HTT: variants seen among roughly 807,000 people sequenced by gnomAD.
HTT encodes the protein huntingtin.
Under a neutral mutation model 362.3 loss-of-function variants are expected in HTT, and 104 were observed. That is an observed-to-expected ratio of 0.29 (90% CI 0.24 to 0.34). The LOEUF is 0.34. Among genes scored for constraint, HTT ranks in the 10% least tolerant of loss-of-function variants. The pLI, the probability that HTT is intolerant of heterozygous loss-of-function variation, is 1.00. For missense variants in HTT, 3,301 were observed against 3,928.6 expected (o/e 0.84, Z 4.27); for synonymous variants, 1,577 against 1,548.7 (o/e 1.02, Z -0.43).
intron 40 of HTT, 135 bp from the exon 41 acceptor site, chr4:3,199,596 TA>T: frequency 1.5e-6 from 1 of 684,090 alleles, no homozygotes; most frequent in Non-Finnish European, 2.4e-6. Flanking sequence ...CAGAATTTTC[TA>T]AATGCCAGGT....
intron 49 of HTT, 72 bp from the exon 50 acceptor site, chr4:3,213,886 A>G (rs1348307129): frequency 7.2e-7 from 1 of 1,384,402 alleles, no homozygotes; most frequent in Non-Finnish European, 9.6e-7. Context: ...CGGTTCCACA[A>G]CTGTGATTCA....
chr4:3,130,191 AATC>A (rs1715736515), intron 13 of HTT, 111 bp from the exon 14 acceptor site: 2 of 1,063,190 alleles, frequency 1.9e-6, no homozygotes, highest in Non-Finnish European at 2.7e-6. Flanking sequence ...ATTGAGGAAT[AATC>A]ATACTTTTTC....
At chr4:3,125,460 TTA>T in intron 10 of HTT, 87 bp from the exon 11 acceptor site, 3 of 773,358 alleles carry the variant, frequency 3.9e-6, no homozygotes, top group Non-Finnish European at 6.8e-6. Context: ...TTAAATATTC[TTA>T]TGAGTTTCAT....
At chr4:3,234,098 T>C (rs1721400722) in intron 61 of HTT, among the ~76,000 whole-genome samples, 1 of 152,174 alleles carries the variant, frequency 6.6e-6, no homozygotes, top group African/African-American at 2.4e-5. Context: ...GTGATCCCCT[T>C]TGACAAGTGG....
chr4:3,099,519 T>C, intron 3 of HTT, 125 bp downstream of exon 3: 1 of 1,343,414 alleles, frequency 7.4e-7, no homozygotes, highest in Non-Finnish European at 1.0e-6. Flanking sequence ...TCCTTTCTGA[T>C]GTATGGTTTG....
chr4:3,173,348 T>G (rs965135320), intron 31 of HTT: 38 of 559,856 alleles, frequency 6.8e-5, no homozygotes, highest in Non-Finnish European at 1.1e-4. Flanking sequence ...GAGATGGGCT[T>G]GGGACTTACA....
At chr4:3,187,178 T>C (rs2110247649) in intron 38 of HTT, among the ~76,000 whole-genome samples, 1 of 149,452 alleles carries the variant, frequency 6.7e-6, no homozygotes, top group East Asian at 2.0e-4. Flanking sequence ...TTTTTGGAGA[T>C]GGAGCCTTGC....
intron 29 of HTT, among the ~76,000 whole-genome samples, chr4:3,167,615 G>A (rs1717779676): frequency 6.6e-6 from 1 of 151,870 alleles, no homozygotes; most frequent in Admixed American, 6.6e-5. Context: ...TATAGAAATG[G>A]CTGTTTTTCA....
chr4:3,074,809 C>G lies in HTT; in HGVS notation c.-17C>G, dbSNP rs1712378116. The G allele has an allele frequency of 4.0e-6, 6 of 1,511,502 alleles. No homozygotes were observed. Among genetic ancestry groups the G allele is most frequent in the Middle Eastern group, 2.3e-4 (1 of 4,350 alleles). The allele number at this position is 1,511,502 out of a possible 1,614,324, so 93.6% of individuals were successfully genotyped here. On this transcript the variant is annotated 5_prime_UTR_variant, in exon 1 of 67. Coordinates refer to ENST00000355072, the MANE Select transcript of HTT (RefSeq NM_001388492.1). Reference sequence around the variant, plus strand: ...CCCGAGGCCTCCGGGGACTGCCGTGCCGGGCGGGAGACCGCCATGGCGACC... The same window carrying G: ...CCCGAGGCCTCCGGGGACTGCCGTGGCGGGCGGGAGACCGCCATGGCGACC...
intron 6 of HTT, chr4:3,113,026 C>G: frequency 1.0e-6 from 1 of 978,870 alleles, no homozygotes; most frequent in Non-Finnish European, 1.2e-6. Flanking sequence ...ATTCATGCAT[C>G]TCTTCCCTTT....
At chr4:3,103,081 C>A (rs1481777257) in intron 3 of HTT, among the ~76,000 whole-genome samples, 1 of 151,894 alleles carries the variant, frequency 6.6e-6, no homozygotes, top group Non-Finnish European at 1.5e-5. Context: ...ATAAGTACAC[C>A]CACAGTGCTC....
At chr4:3,186,807 G>T in intron 38 of HTT, 88 bp downstream of exon 38, 7 of 910,974 alleles carry the variant, frequency 7.7e-6, no homozygotes, top group African/African-American at 1.8e-5. Context: ...GTCTGAGTCA[G>T]TCAGTTTGGG....
intron 26 of HTT, 84 bp downstream of exon 26, chr4:3,148,291 T>C: frequency 1.0e-6 from 1 of 994,522 alleles, no homozygotes; most frequent in Admixed American, 2.9e-5. Flanking sequence ...ATCTGTCCCT[T>C]CTTTATTCTC....
intron 16 of HTT, 25 bp downstream of exon 16, chr4:3,131,800 T>C (rs773137578): frequency 6.3e-7 from 1 of 1,595,452 alleles, no homozygotes; most frequent in Admixed American, 1.7e-5. Flanking sequence ...CACATCTTAT[T>C]TTCTCAGATT....
At chr4:3,187,524 A>G (rs979278412) in intron 38 of HTT, 127 bp from the exon 39 acceptor site, 1 of 682,068 alleles carries the variant, frequency 1.5e-6, no homozygotes, top group South Asian at 1.8e-5. Flanking sequence ...TTTGGGACTC[A>G]GTGATAGAGA....
Position 3,144,988 on chromosome 4 carries a change from A to G in HTT, c.3067-164A>G, listed in dbSNP as rs363152. Among the ~76,000 whole-genome samples the G allele has an allele frequency of 2.4e-4, 37 of 152,322 alleles. No individual in the cohort carries two copies. The South Asian group carries it at 7.7e-3, about 32-fold the overall frequency. On this transcript the variant is annotated intron_variant, in intron 23 of 66. Transcript: ENST00000355072. ...CTGATAACACGTGTTTGAGGTGTCT[A>G]AAGTAGGAAGTTGTACCATGGTGGG...
intron 54 of HTT, among the ~76,000 whole-genome samples, chr4:3,223,200 A>AGG (rs1720756592): frequency 6.6e-6 from 1 of 152,258 alleles, no homozygotes; most frequent in Non-Finnish European, 1.5e-5. Flanking sequence ...GATTTGAAAA[A>AGG]TGGGCTTTTG....
intron 52 of HTT, 103 bp from the exon 53 acceptor site, chr4:3,220,079 G>T (rs1467072367): frequency 6.9e-6 from 9 of 1,301,540 alleles, no homozygotes; most frequent in Non-Finnish European, 9.9e-6. Context: ...TGTTGGGGTA[G>T]TGAGGAGGGA....
At chr4:3,182,138 T>C (rs1718551648) in intron 36 of HTT, among the ~76,000 whole-genome samples, 1 of 152,258 alleles carries the variant, frequency 6.6e-6, no homozygotes, top group Non-Finnish European at 1.5e-5. Context: ...GCACCTTGTA[T>C]GTGCCCTAGA....
Sources: gnomAD v4.1 joint callset for allele counts (sites outside exome capture counted in the v4.1 genomes callset) on GRCh38, gnomAD v4.1.1 for gene constraint, MANE v1.5 for transcripts, NCBI Gene and HGNC (gene_info 2026-07-23, HGNC 2026-07-21) for gene names.